Variants in TNFAIP8 observed in about 807,000 individuals in gnomAD.
The protein encoded by TNFAIP8 is tumor necrosis factor alpha-induced protein 8.
A neutral mutation model predicts 13.3 loss-of-function variants in TNFAIP8; 7 were observed. The observed-to-expected ratio is 0.52, with a 90% confidence interval of 0.30 to 0.99. The LOEUF (loss-of-function observed/expected upper bound fraction) is 0.99. Among genes scored for constraint, TNFAIP8 ranks in the 50% least tolerant of loss-of-function variants. The pLI, the probability that TNFAIP8 is intolerant of heterozygous loss-of-function variation, is 0.07. For missense variants in TNFAIP8, 258 were observed against 236.9 expected, an observed-to-expected ratio of 1.09 and a Z score of -0.58; for synonymous variants, 94 against 87.6, an observed-to-expected ratio of 1.07 and a Z score of -0.41.
At chr5:119,384,618 A>G (rs527391282) in intron 1 of TNFAIP8, among the ~76,000 whole-genome samples, 61 of 152,324 alleles carry the variant, frequency 4.0e-4, no homozygotes, top group African/African-American at 1.3e-3. Context: ...AGGGCAACCA[A>G]TGAGTCTTGT....
At chr5:119,364,823 T>C (rs986529897) in intron 1 of TNFAIP8, among the ~76,000 whole-genome samples, 3 of 150,554 alleles carry the variant, frequency 2.0e-5, no homozygotes, top group African/African-American at 7.3e-5. Context: ...AAGGGTTTTT[T>C]CCCCTTTTTT....
chr5:119,268,817 C>T, exon 1 of TNFAIP8: 1 of 699,808 alleles, frequency 1.4e-6, no homozygotes, highest in Non-Finnish European at 2.6e-6. Context: ...CCGCGGGAAC[C>T]CGTGAGCCAC....
intron 1 of TNFAIP8, among the ~76,000 whole-genome samples, chr5:119,376,589 A>G (rs575119421): frequency 1.5e-5 from 2 of 129,798 alleles, no homozygotes; most frequent in South Asian, 5.4e-4. Context: ...GCTCCCCCAG[A>G]AACAACCTGA....
intron 1 of TNFAIP8, among the ~76,000 whole-genome samples, chr5:119,272,095 T>G (rs1040176130): frequency 1.3e-5 from 2 of 152,198 alleles, no homozygotes; most frequent in African/African-American, 4.8e-5. Flanking sequence ...GGTCAGTTCA[T>G]TTTTAGCCTA....
upstream of TNFAIP8, chr5:119,355,365 C>A (rs1408494173): frequency 2.8e-6 from 2 of 702,314 alleles, no homozygotes; most frequent in African/African-American, 3.5e-5. Flanking sequence ...AATGAGTAAG[C>A]AGCCCCGTCT....
chr5:119,279,856 C>T (rs1748574651), intron 1 of TNFAIP8, among the ~76,000 whole-genome samples: 1 of 152,186 alleles, frequency 6.6e-6, no homozygotes, highest in Admixed American at 6.5e-5. Flanking sequence ...TTTAATTAAA[C>T]AGTGTACATT....
At chr5:119,357,416 A>G (rs1165990538) in intron 1 of TNFAIP8, among the ~76,000 whole-genome samples, 1 of 152,146 alleles carries the variant, frequency 6.6e-6, no homozygotes, top group Non-Finnish European at 1.5e-5. Flanking sequence ...AGTCAAAGGT[A>G]GTTGAAGGCA....
chr5:119,378,400 A>G (rs1030386985), intron 1 of TNFAIP8, among the ~76,000 whole-genome samples: 3 of 152,208 alleles, frequency 2.0e-5, no homozygotes, highest in Non-Finnish European at 2.9e-5. Flanking sequence ...AGCAAATTCC[A>G]TCTTACTCTT....
chr5:119,299,426 T>G (rs889075081), intron 1 of TNFAIP8, among the ~76,000 whole-genome samples: 2 of 151,936 alleles, frequency 1.3e-5, no homozygotes, highest in African/African-American at 4.9e-5. Context: ...ACAGTGGATT[T>G]TCGTGAACCG....
At chr5:119,334,444 A>G (rs1750483834) in intron 1 of TNFAIP8, among the ~76,000 whole-genome samples, 1 of 151,992 alleles carries the variant, frequency 6.6e-6, no homozygotes, top group Non-Finnish European at 1.5e-5. Flanking sequence ...TAGAATTTGG[A>G]AGACATAGGT....
chr5:119,355,159 T>C (rs1428324999), upstream of TNFAIP8: 2 of 628,532 alleles, frequency 3.2e-6, no homozygotes, highest in African/African-American at 1.8e-5. Context: ...GTGAAGGCTG[T>C]CCGGCTTCTT....
At chr5:119,326,115 C>T (rs572509819) in intron 1 of TNFAIP8, among the ~76,000 whole-genome samples, 21 of 152,280 alleles carry the variant, frequency 1.4e-4, no homozygotes, top group Non-Finnish European at 2.9e-4. Flanking sequence ...CAATGCCTAC[C>T]ATTCAGTAGG....
chr5:119,356,777 A>G (rs975001991), intron 1 of TNFAIP8, among the ~76,000 whole-genome samples: 1 of 151,968 alleles, frequency 6.6e-6, no homozygotes, highest in Admixed American at 6.6e-5. Flanking sequence ...AACAGGTGAC[A>G]GGGCTGGAAA....
intron 1 of TNFAIP8, among the ~76,000 whole-genome samples, chr5:119,381,685 G>T (rs1391643183): frequency 6.6e-6 from 1 of 152,118 alleles, no homozygotes; most frequent in Non-Finnish European, 1.5e-5. Context: ...AGATTTCTTG[G>T]TTATACTCCC....
At chr5:119,331,409 T>A (rs1481897522) in intron 1 of TNFAIP8, among the ~76,000 whole-genome samples, 2 of 152,172 alleles carry the variant, frequency 1.3e-5, no homozygotes, top group Middle Eastern at 3.2e-3. Flanking sequence ...CAGCACACTT[T>A]GAATAGATCC....
intron 1 of TNFAIP8, among the ~76,000 whole-genome samples, chr5:119,306,179 G>T (rs1163941490): frequency 6.6e-6 from 1 of 152,212 alleles, no homozygotes; most frequent in Non-Finnish European, 1.5e-5. Context: ...TTGCCTAAAT[G>T]ATCAGAAAAC....
intron 1 of TNFAIP8, among the ~76,000 whole-genome samples, chr5:119,345,279 A>G (rs1462775625): frequency 6.6e-6 from 1 of 152,250 alleles, no homozygotes; most frequent in Non-Finnish European, 1.5e-5. Flanking sequence ...TTTAAAGGAA[A>G]GTTTAAAATA....
intron 1 of TNFAIP8, among the ~76,000 whole-genome samples, chr5:119,326,775 T>C (rs1455520168): frequency 4.0e-5 from 6 of 151,876 alleles, no homozygotes; most frequent in Non-Finnish European, 5.9e-5. Context: ...GAGGAGTGTT[T>C]TGAAGGTGAG....
intron 1 of TNFAIP8, among the ~76,000 whole-genome samples, chr5:119,287,290 T>G (rs982911496): frequency 4.9e-5 from 7 of 141,890 alleles, no homozygotes; most frequent in African/African-American, 1.8e-4. Context: ...GTTTTTTTTT[T>G]TTTTTTTTTT....
Sources: allele counts gnomAD v4.1 joint callset (sites outside exome capture counted in the v4.1 genomes callset), GRCh38; gene constraint gnomAD v4.1.1; transcripts MANE v1.5; gene names NCBI Gene and HGNC (gene_info 2026-07-23, HGNC 2026-07-21).